The following DLC1 variants were observed in gnomAD, a reference collection of about 807,000 sequenced individuals.
DLC1 encodes the protein rho GTPase-activating protein 7.
A neutral mutation model predicts 140.3 loss-of-function variants in DLC1; 54 were observed. The ratio of observed to expected loss-of-function variants is 0.38; its 90% CI spans 0.31 to 0.48. The LOEUF is 0.48. DLC1 is among the 20% of genes least tolerant of loss of function. The probability of loss-of-function intolerance (pLI) is 0.96; values close to 1 mark genes in which losing one functional copy is unlikely to be tolerated. For missense variants in DLC1, 2,536 were observed against 1,907.0 expected (o/e 1.33, Z -6.14); for synonymous variants, 986 against 728.1 (o/e 1.35, Z -5.70).
intron 1 of DLC1, among the ~76,000 whole-genome samples, chr8:13,575,175 A>G (rs1475188945): frequency 1.3e-5 from 2 of 152,210 alleles, no homozygotes; most frequent in African/African-American, 4.8e-5. Flanking sequence ...GTCTTATGCA[A>G]TCATAAGCCC....
chr8:13,219,986 A>G (rs1270666125), intron 5 of DLC1, among the ~76,000 whole-genome samples: 2 of 152,188 alleles, frequency 1.3e-5, no homozygotes, highest in Non-Finnish European at 2.9e-5. Flanking sequence ...CCGTAGACAC[A>G]GAAAGCAGAT....
intron 2 of DLC1, among the ~76,000 whole-genome samples, chr8:13,402,453 G>A (rs1424056751): frequency 6.6e-6 from 1 of 152,028 alleles, no homozygotes; most frequent in African/African-American, 2.4e-5. Flanking sequence ...TACGGTATTG[G>A]CTAAAAAAAA....
intron 2 of DLC1, among the ~76,000 whole-genome samples, chr8:13,454,244 A>G (rs1215439653): frequency 6.6e-6 from 1 of 152,190 alleles, no homozygotes; most frequent in Non-Finnish European, 1.5e-5. Context: ...GCATTAAAAA[A>G]AAATCTTGTA....
chr8:13,095,001 C>T (rs373953117), intron 11 of DLC1, 44 bp from the exon 12 acceptor site: 47 of 1,613,770 alleles, frequency 2.9e-5, no homozygotes, highest in South Asian at 1.8e-4. Flanking sequence ...TTCACGTGGA[C>T]GCAGTGTTTA....
chr8:13,230,117 C>T (rs968242527), intron 5 of DLC1, among the ~76,000 whole-genome samples: 38 of 152,214 alleles, frequency 2.5e-4, no homozygotes, highest in African/African-American at 8.9e-4. Flanking sequence ...TCACTGATTT[C>T]ATGCACACCA....
At chr8:13,123,747 G>C (rs1017220549) in intron 5 of DLC1, among the ~76,000 whole-genome samples, 31 of 152,260 alleles carry the variant, frequency 2.0e-4, no homozygotes, top group African/African-American at 6.7e-4. Context: ...AAAAGGGCAA[G>C]CTTCTTTGTC....
intron 4 of DLC1, among the ~76,000 whole-genome samples, chr8:13,378,366 C>T (rs186907703): frequency 1.6e-4 from 24 of 151,770 alleles, no homozygotes; most frequent in African/African-American, 5.8e-4. Context: ...TGTATTAATT[C>T]TCTGTAGGAT....
intron 5 of DLC1, among the ~76,000 whole-genome samples, chr8:13,126,256 ATAAAC>A (rs139255726): frequency 0.096 from 14,535 of 152,120 alleles, 888 homozygotes; most frequent in Middle Eastern, 0.19. Context: ...TGAAATCAAA[ATAAAC>A]TAAGAAGGAA....
At chr8:13,380,566 A>G (rs948897965) in intron 4 of DLC1, among the ~76,000 whole-genome samples, 4 of 152,220 alleles carry the variant, frequency 2.6e-5, no homozygotes, top group African/African-American at 7.2e-5. Flanking sequence ...ATTTAAATAT[A>G]GTATTAATGA....
intron 5 of DLC1, among the ~76,000 whole-genome samples, chr8:13,215,949 C>T (rs1828180999): frequency 6.6e-6 from 1 of 152,176 alleles, no homozygotes; most frequent in Admixed American, 6.5e-5. Context: ...TTAGTGCCCA[C>T]CAGATCCCTC....
At chr8:13,165,968 C>A (rs554928914) in intron 5 of DLC1, among the ~76,000 whole-genome samples, 1 of 152,182 alleles carries the variant, frequency 6.6e-6, no homozygotes, top group Admixed American at 6.5e-5. Context: ...GTACAGTAGT[C>A]GATACTATGT....
At chr8:13,160,840 C>CTA (rs889621410) in intron 5 of DLC1, among the ~76,000 whole-genome samples, 1 of 152,196 alleles carries the variant, frequency 6.6e-6, no homozygotes, top group Non-Finnish European at 1.5e-5. Flanking sequence ...AATCCCAGCA[C>CTA]TTTGGGAGGC....
intron 2 of DLC1, among the ~76,000 whole-genome samples, chr8:13,403,715 G>A (rs572770541): frequency 2.0e-5 from 3 of 151,054 alleles, no homozygotes; most frequent in African/African-American, 7.3e-5. Context: ...ATGTTGGCTC[G>A]CTGCAGCCTG....
chr8:13,199,121 C>T (rs1174773062), intron 5 of DLC1, among the ~76,000 whole-genome samples: 1 of 151,704 alleles, frequency 6.6e-6, no homozygotes, highest in Non-Finnish European at 1.5e-5. Flanking sequence ...TCACTGATCT[C>T]CAAACATGCT....
At chr8:13,192,307 G>A (rs1826804084) in intron 5 of DLC1, among the ~76,000 whole-genome samples, 1 of 152,070 alleles carries the variant, frequency 6.6e-6, no homozygotes. Flanking sequence ...TCAATGCTGT[G>A]CAATTTTGGG....
intron 5 of DLC1, among the ~76,000 whole-genome samples, chr8:13,221,712 A>ATG (rs371741645): frequency 0.01 from 1,345 of 133,716 alleles, 11 homozygotes; most frequent in Non-Finnish European, 0.014. Context: ...GTGTGTGTAT[A>ATG]TGTGTGTGTG....
At chr8:13,443,644 C>A (rs1194549294) in intron 2 of DLC1, among the ~76,000 whole-genome samples, 3 of 127,430 alleles carry the variant, frequency 2.4e-5, no homozygotes, top group Non-Finnish European at 4.6e-5. Context: ...GGCAACACAG[C>A]GAGACTCCGT....
intron 2 of DLC1, among the ~76,000 whole-genome samples, chr8:13,417,642 G>A (rs1396365627): frequency 6.6e-6 from 1 of 152,018 alleles, no homozygotes; most frequent in Non-Finnish European, 1.5e-5. Context: ...CCAAGTCTTT[G>A]CTATTGTGAA....
chr8:13,590,495 G>A (rs932636212), intron 1 of DLC1, among the ~76,000 whole-genome samples: 1 of 152,040 alleles, frequency 6.6e-6, no homozygotes, highest in Non-Finnish European at 1.5e-5. Context: ...CCAGTTCTGA[G>A]CATCTTGGAT....
Sources: gnomAD v4.1 joint callset for allele counts (sites outside exome capture counted in the v4.1 genomes callset) on GRCh38, gnomAD v4.1.1 for gene constraint, MANE v1.5 for transcripts, NCBI Gene and HGNC (gene_info 2026-07-23, HGNC 2026-07-21) for gene names.